Variants in SLC35F3 observed in about 807,000 individuals in gnomAD.
SLC35F3 encodes solute carrier family 35 member F3.
SLC35F3 carries 25 observed loss-of-function variants against 49.9 expected under a neutral mutation model. The ratio of observed to expected loss-of-function variants is 0.50; its 90% CI spans 0.37 to 0.70. The LOEUF is 0.70. SLC35F3 is among the 30% of genes least tolerant of loss of function. The pLI, the probability that SLC35F3 is intolerant of heterozygous loss-of-function variation, is 0.00. For missense variants in SLC35F3, 525 were observed against 639.8 expected (o/e 0.82, Z 1.94); for synonymous variants, 275 against 265.4 (o/e 1.04, Z -0.35).
intron 2 of SLC35F3, among the ~76,000 whole-genome samples, chr1:234,077,073 C>T (rs1024759546): frequency 1.3e-5 from 2 of 148,250 alleles, no homozygotes; most frequent in African/African-American, 5.0e-5. Flanking sequence ...GGCGCAATCT[C>T]GGCTCACTGC....
At chr1:234,073,835 G>A (rs1463235430) in intron 2 of SLC35F3, among the ~76,000 whole-genome samples, 1 of 152,082 alleles carries the variant, frequency 6.6e-6, no homozygotes, top group Non-Finnish European at 1.5e-5. Flanking sequence ...TGTCGTACTT[G>A]CTTCAGTTTC....
chr1:234,215,830 C>T (rs1483087839), intron 2 of SLC35F3, among the ~76,000 whole-genome samples: 1 of 152,166 alleles, frequency 6.6e-6, no homozygotes, highest in Non-Finnish European at 1.5e-5. Context: ...TGAGGCCCAG[C>T]AAGGTGGGTT....
At chr1:234,163,140 A>G (rs1436033527) in intron 2 of SLC35F3, among the ~76,000 whole-genome samples, 1 of 152,206 alleles carries the variant, frequency 6.6e-6, no homozygotes, top group Non-Finnish European at 1.5e-5. Context: ...ACCCAGAAGG[A>G]CTACCCCATT....
chr1:234,008,912 C>T (rs895588584), intron 2 of SLC35F3, among the ~76,000 whole-genome samples: 1 of 152,198 alleles, frequency 6.6e-6, no homozygotes, highest in African/African-American at 2.4e-5. Flanking sequence ...ATTCAGTTAT[C>T]AGACTGATTC....
At chr1:234,148,008 A>G (rs1666022890) in intron 2 of SLC35F3, among the ~76,000 whole-genome samples, 2 of 152,224 alleles carry the variant, frequency 1.3e-5, no homozygotes, top group African/African-American at 4.8e-5. Flanking sequence ...ACTGTAACTC[A>G]CTGATTATAA....
chr1:234,296,020 A>T (rs1333529340), intron 3 of SLC35F3, among the ~76,000 whole-genome samples: 1 of 152,202 alleles, frequency 6.6e-6, no homozygotes, highest in Non-Finnish European at 1.5e-5. Context: ...GTTTAGTGAA[A>T]CTCAAACCAA....
At chr1:234,033,259 C>T (rs1374671911) in intron 2 of SLC35F3, among the ~76,000 whole-genome samples, 1 of 151,986 alleles carries the variant, frequency 6.6e-6, no homozygotes, top group East Asian at 1.9e-4. Flanking sequence ...GATATTAGTC[C>T]TTTGTCAGAT....
At chr1:234,141,893 C>G (rs892617126) in intron 2 of SLC35F3, among the ~76,000 whole-genome samples, 1 of 152,242 alleles carries the variant, frequency 6.6e-6, no homozygotes, top group African/African-American at 2.4e-5. Context: ...GCCCTCCTCA[C>G]TCATGCCATC....
intron 3 of SLC35F3, among the ~76,000 whole-genome samples, chr1:234,236,896 T>C (rs1158012810): frequency 7.7e-6 from 1 of 129,836 alleles, no homozygotes; most frequent in Non-Finnish European, 1.6e-5. Flanking sequence ...CACAACTGAG[T>C]GGGAGACAGT....
At chr1:234,064,153 T>A (rs1444147426) in intron 2 of SLC35F3, among the ~76,000 whole-genome samples, 1 of 152,204 alleles carries the variant, frequency 6.6e-6, no homozygotes, top group Non-Finnish European at 1.5e-5. Flanking sequence ...ACTTTTGCTT[T>A]CATAGCCCTA....
At chr1:234,307,621 C>T (rs1657232067) in intron 3 of SLC35F3, among the ~76,000 whole-genome samples, 1 of 152,212 alleles carries the variant, frequency 6.6e-6, no homozygotes, top group Admixed American at 6.5e-5. Flanking sequence ...AGCTATTCCC[C>T]CAACCTAGTG....
Position 233,939,316 on chromosome 1 carries a change from A to G in SLC35F3, c.283+33558A>G, listed in dbSNP as rs1247025944. On this transcript the variant is annotated intron_variant, in intron 2 of 7. Coordinates refer to ENST00000366618, the MANE Select transcript of SLC35F3 (RefSeq NM_173508.4). The stretch of plus-strand genomic sequence containing the variant: ...AAAAAATTTAAAAAATTGGTTGGGT[A>G]TGGAAGCATGTGCCTGTAGTCCCAG... 2.0e-5 allele frequency among the ~76,000 whole-genome samples: 3 copies of G among 152,094 alleles called. No individual in the cohort carries two copies. In the East Asian group the frequency reaches 5.8e-4, roughly 29 times the overall value.
At chr1:234,186,941 T>C (rs1335818622) in intron 2 of SLC35F3, among the ~76,000 whole-genome samples, 1 of 152,176 alleles carries the variant, frequency 6.6e-6, no homozygotes, top group Non-Finnish European at 1.5e-5. Context: ...CTCTTTGCTT[T>C]CTAACCTGGC....
At chr1:234,199,227 C>G (rs544540591) in intron 2 of SLC35F3, among the ~76,000 whole-genome samples, 5 of 151,064 alleles carry the variant, frequency 3.3e-5, no homozygotes, top group African/African-American at 1.2e-4. Context: ...GACCCTGTCT[C>G]GAAAAAAAGA....
rs1471010660 is a variant in SLC35F3 at position 234,223,921 on chromosome 1, A to AC, written c.284-7492dup. Among the ~76,000 whole-genome samples, 22 of 152,110 alleles carry AC rather than the reference A, an allele frequency of 1.4e-4. No individual in the cohort carries two copies. The South Asian group carries it at 2.3e-3, about 16-fold the overall frequency. ...TGGCCGCCTTCTGTGTCCTCACATG[A>AC]CCCCTTCTCTTGATGTGTGTATGGA... On this transcript the variant is annotated intron_variant, in intron 2 of 7. Coordinates refer to ENST00000366618, the MANE Select transcript of SLC35F3 (RefSeq NM_173508.4).
At chr1:234,178,488 C>T (rs1445172505) in intron 2 of SLC35F3, among the ~76,000 whole-genome samples, 2 of 150,526 alleles carry the variant, frequency 1.3e-5, no homozygotes, top group Non-Finnish European at 3.0e-5. Flanking sequence ...CTTTTTAGAA[C>T]AGTTTTAGGT....
intron 2 of SLC35F3, among the ~76,000 whole-genome samples, chr1:234,133,005 T>C (rs1177203980): frequency 1.3e-5 from 2 of 152,218 alleles, no homozygotes; most frequent in Admixed American, 6.5e-5. Flanking sequence ...GCCAGTTTTA[T>C]AGATGAGGAA....
chr1:234,215,363 G>A (rs1027563879), intron 2 of SLC35F3, among the ~76,000 whole-genome samples: 3 of 152,168 alleles, frequency 2.0e-5, no homozygotes, highest in Admixed American at 2.0e-4. Context: ...GGCCTAAGGG[G>A]CCTTGCTTTC....
intron 2 of SLC35F3, among the ~76,000 whole-genome samples, chr1:234,093,412 G>T (rs893399342): frequency 7.2e-5 from 11 of 152,158 alleles, no homozygotes; most frequent in Admixed American, 7.2e-4. Context: ...AGTCCTCACC[G>T]TATCTCCCAG....
Sources: allele counts gnomAD v4.1 joint callset (sites outside exome capture counted in the v4.1 genomes callset), GRCh38; gene constraint gnomAD v4.1.1; transcripts MANE v1.5; gene names NCBI Gene and HGNC (gene_info 2026-07-23, HGNC 2026-07-21).